TRIR: variants seen among roughly 807,000 people sequenced by gnomAD.
TRIR encodes the protein telomerase RNA component interacting RNase, also known as telomerase RNA component-interacting RNase.
A neutral mutation model predicts 18.2 loss-of-function variants in TRIR; 5 were observed. That is an observed-to-expected ratio of 0.27 (90% CI 0.14 to 0.58). The LOEUF is 0.58. TRIR is among the 20% of genes least tolerant of loss of function. TRIR has a pLI of 0.91. For synonymous variants in TRIR, 134 were observed against 114.4 expected (o/e 1.17, Z -1.10); for missense variants, 206 against 252.8 (o/e 0.81, Z 1.25).
intron 1 of TRIR, among the ~76,000 whole-genome samples, chr19:12,733,921 T>C (rs1291725834): frequency 3.3e-5 from 5 of 152,192 alleles, no homozygotes; most frequent in Non-Finnish European, 7.3e-5. Context: ...TAATTGTCCT[T>C]ACATAGTACG....
At position 12,731,208 on chromosome 19, in the gene TRIR, A is replaced by G. The variant is rs1967421491; in HGVS notation, c.423+136T>C. 8.0e-7 allele frequency: 1 copy of G among 1,250,012 alleles called. No homozygotes were observed. The highest frequency in any genetic ancestry group is 1.2e-5 in the South Asian group (1 of 83,022). The allele number at this position is 1,250,012 out of a possible 1,614,324, so 77.4% of individuals were successfully genotyped here. A position where few individuals can be genotyped will look rare whatever the true frequency, so the allele number is the denominator to read the frequency against. ...GATTATAAAGTCAAGTTATCTGGGG[A>G]CCCATTGACAGCCCTCCTACCCTGC... is the stretch of plus-strand genomic sequence containing the variant. On this transcript the variant is annotated intron_variant, in intron 2 of 2. Coordinates refer to ENST00000242784, the MANE Select transcript of TRIR (RefSeq NM_024038.4). This position sits in a 1 kb window ranked among gnomAD's most constrained non-coding sequence, Gnocchi z 5.1.
In TRIR at chr19:12,731,642, C is replaced by T; in HGVS notation, c.346-221G>A. 3.4e-6 allele frequency: 2 copies of T among 580,736 alleles called. No individual in the cohort carries two copies. Among genetic ancestry groups the T allele is most frequent in the South Asian group, 4.1e-5 (2 of 49,208 alleles). 36.0% of individuals were successfully genotyped at this position (580,736 alleles called of 1,614,324 possible). ...CCTCCCAGGGAGCAAGAAGAGTGTC[C>T]ACCTCAGTAGGGACCAGCTCTGTTC... On this transcript the variant is annotated intron_variant, in intron 1 of 2. Coordinates refer to ENST00000242784, the MANE Select transcript of TRIR (RefSeq NM_024038.4). This position sits in a 1 kb window ranked among gnomAD's most constrained non-coding sequence, Gnocchi z 5.1.
In TRIR at chr19:12,731,457, GA is replaced by G. The variant is rs773961900; in HGVS notation, c.346-37del. The stretch of plus-strand genomic sequence containing the variant: ...GGACAGAAGACTGCAACGGTTACAG[GA>G]GCCGGGACCGCCCTTGGCGGCGCTG... On this transcript the variant is annotated intron_variant, in intron 1 of 2. Transcript: ENST00000242784. This position sits in a 1 kb window ranked among gnomAD's most constrained non-coding sequence, Gnocchi z 5.1. The G allele has an allele frequency of 5.6e-6, 9 of 1,593,780 alleles. No homozygotes were observed. Among genetic ancestry groups the G allele is most frequent in the Middle Eastern group, 3.3e-4 (2 of 5,976 alleles).
intron 1 of TRIR, among the ~76,000 whole-genome samples, chr19:12,733,050 T>C (rs1259872661): frequency 3.9e-5 from 6 of 152,114 alleles, no homozygotes. Context: ...GCTCCAGGCA[T>C]GTGTGGCACC....
intron 1 of TRIR, among the ~76,000 whole-genome samples, chr19:12,733,914 T>C (rs941919976): frequency 1.3e-5 from 2 of 152,338 alleles, no homozygotes; most frequent in African/African-American, 4.8e-5. Flanking sequence ...AGATAAGTAA[T>C]TGTCCTTACA....
At chr19:12,733,404 A>G (rs1048092197) in intron 1 of TRIR, among the ~76,000 whole-genome samples, 2 of 152,188 alleles carry the variant, frequency 1.3e-5, no homozygotes, top group African/African-American at 4.8e-5. Context: ...TGCCCTATTT[A>G]CTTAATCCAG....
At position 12,731,946 on chromosome 19, in the gene TRIR, A is replaced by C. The variant is rs1316745586; in HGVS notation, c.346-525T>G. ...GAGACCAGCCTGGCCAACATGGTGA[A>C]ACCCCATCTCTACTAAAAATACAAA... On this transcript the variant is annotated intron_variant, in intron 1 of 2. Transcript: ENST00000242784. The surrounding 1 kb of genome is among the most constrained non-coding windows in gnomAD (Gnocchi z 5.1). 6.5e-6 allele frequency: 1 copy of C among 153,196 alleles called. No homozygotes were observed. Among genetic ancestry groups the C allele is most frequent in the African/African-American group, 2.4e-5 (1 of 41,348 alleles). 9.5% of individuals were successfully genotyped at this position (153,196 alleles called of 1,614,324 possible).
At position 12,734,555 on chromosome 19, in the gene TRIR, TC is replaced by T; in HGVS notation, c.102del (p.Thr35ArgfsTer22). On this transcript the variant is annotated frameshift_variant, in exon 1 of 3. Transcript: ENST00000242784. LOFTEE classifies it high-confidence loss of function. This position sits in a 1 kb window ranked among gnomAD's most constrained non-coding sequence, Gnocchi z 4.1. Reference protein sequence around the residue: ...GGSRWAESGSGTSPESGDEEV... With the variant: ...GGSRWAESGSXTSPESGDEEV... ...TCCTCGTCCCCGCTCTCGGGCGACG[TC>T]CCCGATCCCGACTCAGCCCAACGGC... 1.3e-6 allele frequency: 2 copies of T among 1,529,948 alleles called. No homozygotes were observed. 94.8% of individuals were successfully genotyped at this position (1,529,948 alleles called of 1,614,324 possible). A position where few individuals can be genotyped will look rare whatever the true frequency, so the allele number is the denominator to read the frequency against.
rs1967435803 is a variant in TRIR, at chr19:12,731,919, T to C, written c.346-498A>G. ...GGGTAGATCACCTGAAGTCAGGAGT[T>C]TGAGACCAGCCTGGCCAACATGGTG... On this transcript the variant is annotated intron_variant, in intron 1 of 2. Coordinates refer to ENST00000242784, the MANE Select transcript of TRIR (RefSeq NM_024038.4). The surrounding 1 kb of genome is among the most constrained non-coding windows in gnomAD (Gnocchi z 5.1). 2.0e-5 allele frequency: 3 copies of C among 153,404 alleles called. No individual in the cohort carries two copies. In the South Asian group the frequency reaches 5.9e-4, roughly 30 times the overall value. 9.5% of individuals were successfully genotyped at this position (153,404 alleles called of 1,614,324 possible).
intron 1 of TRIR, among the ~76,000 whole-genome samples, chr19:12,733,147 G>A (rs1568345281): frequency 2.6e-5 from 4 of 151,942 alleles, no homozygotes; most frequent in African/African-American, 9.7e-5. Context: ...GGGCTTAAGC[G>A]ATCCACCCAC....
rs1269646522 is a variant in TRIR, at chr19:12,731,968, CA to C, written c.346-548del. The C allele has an allele frequency of 5.2e-5, 8 of 152,654 alleles. No individual in the cohort carries two copies. Among genetic ancestry groups the C allele is most frequent in the Admixed American group, 1.3e-4 (2 of 15,324 alleles). 9.5% of individuals were successfully genotyped at this position (152,654 alleles called of 1,614,324 possible). Reference sequence around the variant, plus strand: ...TGAAACCCCATCTCTACTAAAAATACAAAAACTTAGCCGGGAGTGGTGGTAG... The same window carrying C: ...TGAAACCCCATCTCTACTAAAAATACAAAACTTAGCCGGGAGTGGTGGTAG... On this transcript the variant is annotated intron_variant, in intron 1 of 2. Transcript: ENST00000242784. The surrounding 1 kb of genome is among the most constrained non-coding windows in gnomAD (Gnocchi z 5.1).
At chr19:12,732,596 A>ATTT (rs796787244) in intron 1 of TRIR, among the ~76,000 whole-genome samples, 1 of 136,710 alleles carries the variant, frequency 7.3e-6, no homozygotes. Flanking sequence ...GACTATTTCC[A>ATTT]TTTTTTTTTT....
rs1464791304 is a variant in TRIR, at chr19:12,734,583, C to CCCGCCA, written c.69_74dup (p.Gly24_Gly25dup). 89 of 1,522,430 alleles carry CCCGCCA rather than the reference C, an allele frequency of 5.8e-5. No individual in the cohort carries two copies. The highest frequency in any genetic ancestry group is 1.7e-4 in the Middle Eastern group (1 of 5,920). The allele number at this position is 1,522,430 out of a possible 1,614,324, so 94.3% of individuals were successfully genotyped here. A position where few individuals can be genotyped will look rare whatever the true frequency, so the allele number is the denominator to read the frequency against. On this transcript the variant is annotated inframe_insertion, in exon 1 of 3. Transcript: ENST00000242784. The surrounding 1 kb of genome is among the most constrained non-coding windows in gnomAD (Gnocchi z 4.1). ...CCGATCCCGACTCAGCCCAACGGCT[C>CCCGCCA]CCGCCACCGCCACCGCCCGCGGGGC...
chr19:12,733,164 C>T (rs951559614), intron 1 of TRIR, among the ~76,000 whole-genome samples: 2 of 152,178 alleles, frequency 1.3e-5, no homozygotes, highest in African/African-American at 4.8e-5. Flanking sequence ...CCACCTCGAC[C>T]TCCCAAAATG....
In TRIR at chr19:12,731,380, C is replaced by A. The variant is rs1316724729; in HGVS notation, c.387G>T (p.Thr129=). ...RRGGNKLALK[T]GIVAKKQKTE... ...TCTTCTGCTTCTTGGCTACTATTCC[C>A]GTCTTGAGGGCTAGTTTGTTCCCGC... The change falls in exon 2 of 3, where the codon ACG becomes ACT. Residue 129 remains threonine (T), a synonymous_variant. Coordinates refer to ENST00000242784, the MANE Select transcript of TRIR (RefSeq NM_024038.4). The surrounding 1 kb of genome is among the most constrained non-coding windows in gnomAD (Gnocchi z 5.1). 6.2e-7 allele frequency: 1 copy of A among 1,613,932 alleles called. No individual in the cohort carries two copies. The highest frequency in any genetic ancestry group is 8.5e-7 in the Non-Finnish European group (1 of 1,179,944).
rs556221552 is a variant in TRIR at position 12,731,611 on chromosome 19, C to G, written c.346-190G>C. 1 of 607,186 alleles carries G rather than the reference C, an allele frequency of 1.6e-6. No individual in the cohort carries two copies. Among genetic ancestry groups the G allele is most frequent in the Non-Finnish European group, 2.9e-6 (1 of 347,390 alleles). The allele number at this position is 607,186 out of a possible 1,614,324, so 37.6% of individuals were successfully genotyped here. On this transcript the variant is annotated intron_variant, in intron 1 of 2. Transcript: ENST00000242784. The surrounding 1 kb of genome is among the most constrained non-coding windows in gnomAD (Gnocchi z 5.1). ...CGACTCAGCGCCTGCCCTGGGCCCGCGGTGCCCTCCCAGGGAGCAAGAAGA... is the reference window on the plus strand; with the variant it reads ...CGACTCAGCGCCTGCCCTGGGCCCGGGGTGCCCTCCCAGGGAGCAAGAAGA...
rs1418235315 is a variant in TRIR, at chr19:12,730,753, G to C, written c.*208C>G. 7 of 596,544 alleles carry C rather than the reference G, an allele frequency of 1.2e-5. No individual in the cohort carries two copies. The highest frequency in any genetic ancestry group is 2.1e-5 in the Non-Finnish European group (7 of 334,956). The allele number at this position is 596,544 out of a possible 1,614,324, so 37.0% of individuals were successfully genotyped here. A position where few individuals can be genotyped will look rare whatever the true frequency, so the allele number is the denominator to read the frequency against. On this transcript the variant is annotated 3_prime_UTR_variant, in exon 3 of 3. Transcript: ENST00000242784. ...GAGAATGAGGAGGTGAGAAGGGGGGGACAGTAAACCACTGTTCTATGAAGT... is the reference window on the plus strand; with the variant it reads ...GAGAATGAGGAGGTGAGAAGGGGGGCACAGTAAACCACTGTTCTATGAAGT...
At position 12,730,885 on chromosome 19, in the gene TRIR, G is replaced by C; in HGVS notation, c.*76C>G. 7.3e-7 allele frequency: 1 copy of C among 1,366,448 alleles called. No individual in the cohort carries two copies. The highest frequency in any genetic ancestry group is 1.0e-6 in the Non-Finnish European group (1 of 958,278). 84.6% of individuals were successfully genotyped at this position (1,366,448 alleles called of 1,614,324 possible). A position where few individuals can be genotyped will look rare whatever the true frequency, so the allele number is the denominator to read the frequency against. On this transcript the variant is annotated 3_prime_UTR_variant, in exon 3 of 3. Transcript: ENST00000242784. ...CTTTTAAGTCCTCTCAGGGAAGGCTGTCGCCGCTGCCGCTGCATTAAATAG... is the reference window on the plus strand; with the variant it reads ...CTTTTAAGTCCTCTCAGGGAAGGCTCTCGCCGCTGCCGCTGCATTAAATAG...
In TRIR at chr19:12,734,653, G is replaced by C; in HGVS notation, c.5C>G (p.Ala2Gly). 6 of 1,505,608 alleles carry C rather than the reference G, an allele frequency of 4.0e-6. No individual in the cohort carries two copies. The highest frequency in any genetic ancestry group is 5.3e-6 in the Non-Finnish European group (6 of 1,135,680). The allele number at this position is 1,505,608 out of a possible 1,614,324, so 93.3% of individuals were successfully genotyped here. A position where few individuals can be genotyped will look rare whatever the true frequency, so the allele number is the denominator to read the frequency against. The stretch of plus-strand genomic sequence containing the variant: ...AGGCTCCGCCCGTCTCCCTCGGGCA[G>C]CCATTTTGTCGCCAGGTGCCGCGCA... MAARGRRAEPQG... is the reference protein window; with the variant it reads MGARGRRAEPQG... Residue 2 changes from alanine to glycine, a missense_variant, in exon 1 of 3, where the codon GCT becomes GGT. Ala to Gly is a moderately conservative substitution (Grantham distance 60). Coordinates refer to ENST00000242784, the MANE Select transcript of TRIR (RefSeq NM_024038.4). The surrounding 1 kb of genome is among the most constrained non-coding windows in gnomAD (Gnocchi z 4.1).
Sources: allele counts gnomAD v4.1 joint callset (sites outside exome capture counted in the v4.1 genomes callset), GRCh38; gene constraint gnomAD v4.1.1; non-coding constraint Gnocchi (gnomAD v3.1); transcripts MANE v1.5; gene names NCBI Gene and HGNC (gene_info 2026-07-23, HGNC 2026-07-21).